The following MGAM variants were observed in gnomAD, a reference collection of about 807,000 sequenced individuals.
MGAM encodes alpha-1,4-glucosidase.
A neutral mutation model predicts 358.8 loss-of-function variants in MGAM; 253 were observed. The observed-to-expected ratio is 0.71, with a 90% confidence interval of 0.64 to 0.78. The LOEUF (loss-of-function observed/expected upper bound fraction) is 0.78, where lower values mean the gene tolerates loss of function less well. Among genes scored for constraint, MGAM ranks in the 30% least tolerant of loss-of-function variants. The pLI is 0.00. For synonymous variants in MGAM, 1,105 were observed against 1,227.1 expected (o/e 0.90, Z 2.08); for missense variants, 3,080 against 3,432.6 (o/e 0.90, Z 2.57).
At chr7:142,083,519 A>G in intron 53 of MGAM, 106 bp downstream of exon 53, 1 of 832,160 alleles carries the variant, frequency 1.2e-6, no homozygotes, top group East Asian at 2.8e-5. Flanking sequence ...AATTATTGGT[A>G]TTACTTGGAA....
rs1808374447 is a variant in MGAM, at chr7:142,040,175, A to C, written c.2373+4A>C. The C allele has an allele frequency of 6.2e-7, 1 of 1,608,900 alleles. No homozygotes were observed. The highest frequency in any genetic ancestry group is 1.7e-5 in the Admixed American group (1 of 59,770). ...TGTCTGGTATGACTACGAGACTGTA[A>C]GTAGCTTTGACTTTTCTTCTACTCC... is the stretch of plus-strand genomic sequence containing the variant. On this transcript the variant is annotated splice_donor_region_variant and intron_variant, in intron 20 of 70. Transcript: ENST00000475668.
At chr7:142,057,441 T>G (rs1811667417) in intron 30 of MGAM, among the ~76,000 whole-genome samples, 1 of 145,484 alleles carries the variant, frequency 6.9e-6, no homozygotes, top group Non-Finnish European at 1.5e-5. Context: ...GTTATGGTGG[T>G]GGTGGTAGTG....
rs750268952 is a variant in MGAM at position 142,085,791 on chromosome 7, G to A, written c.6508-42G>A. ...GCTTGTTCTCCTATAAAGCTTGGGC[G>A]TGTACAGCAGCAGCCTCTCAGCTCC... On this transcript the variant is annotated intron_variant, in intron 54 of 70. Transcript: ENST00000475668. 91 of 1,550,478 alleles carry A rather than the reference G, an allele frequency of 5.9e-5. 5 individuals carry two copies. The highest frequency in any genetic ancestry group is 3.8e-4 in the Admixed American group (22 of 57,320).
intron 20 of MGAM, 106 bp downstream of exon 20, chr7:142,040,277 G>T (rs2960753): frequency 0.37 from 324,456 of 879,158 alleles, 62,119 homozygotes; most frequent in Non-Finnish European, 0.4. Context: ...CTGAGGAGTA[G>T]TTTTTAGTGT....
intron 51 of MGAM, 35 bp downstream of exon 51, chr7:142,082,245 T>C: frequency 6.5e-7 from 1 of 1,538,908 alleles, no homozygotes; most frequent in Non-Finnish European, 8.9e-7. Context: ...GTGTCTCTGC[T>C]TCTCTCCACC....
At position 142,090,849 on chromosome 7, in the gene MGAM, A is replaced by G. The variant is rs1047835862; in HGVS notation, c.6811-1064A>G. On this transcript the variant is annotated intron_variant, in intron 57 of 70. Transcript: ENST00000475668. Reference sequence around the variant, plus strand: ...GAACCCACCATTAAACAGTGAGTATATATTTTGTGTCAAGTTCTAAGCTAA... The same window carrying G: ...GAACCCACCATTAAACAGTGAGTATGTATTTTGTGTCAAGTTCTAAGCTAA... Among the ~76,000 whole-genome samples the G allele has an allele frequency of 4.8e-5, 7 of 146,636 alleles. No homozygotes were observed. In the East Asian group the frequency reaches 6.0e-4, roughly 13 times the overall value.
intron 21 of MGAM, among the ~76,000 whole-genome samples, chr7:142,041,932 T>C (rs1365522244): frequency 0.52 from 29,723 of 57,656 alleles, 8,360 homozygotes; most frequent in Admixed American, 0.6. Context: ...ATATATAATA[T>C]ATATATTATA....
rs185922548 is a variant in MGAM, at chr7:142,072,621, A to G, written c.5187-1464A>G. ...AGTTCTTTGTTGCTGACTTTCCTTT[A>G]TGTTGACTTATTACCTTGTGTGCTT... On this transcript the variant is annotated intron_variant, in intron 44 of 70. Coordinates refer to ENST00000475668, the MANE Select transcript of MGAM (RefSeq NM_001365693.1). 9.6e-5 allele frequency among the ~76,000 whole-genome samples: 14 copies of G among 146,406 alleles called. 3 individuals carry two copies. The highest frequency in any genetic ancestry group is 9.3e-5 in the Non-Finnish European group (6 of 64,568).
chr7:142,008,841 G>C, intron 3 of MGAM, 136 bp downstream of exon 3: 1 of 907,388 alleles, frequency 1.1e-6, no homozygotes, highest in East Asian at 2.6e-5. Context: ...TAGTGGCTCA[G>C]GCAAATTAAC....
intron 43 of MGAM, among the ~76,000 whole-genome samples, chr7:142,070,542 C>G (rs1286274522): frequency 3.4e-5 from 5 of 146,018 alleles, no homozygotes; most frequent in Admixed American, 6.9e-5. Context: ...TCACAACAGG[C>G]TGGGGGTGAG....
At chr7:142,056,120 A>G in intron 29 of MGAM, 24 bp downstream of exon 29, 1 of 1,573,322 alleles carries the variant, frequency 6.4e-7, no homozygotes, top group East Asian at 2.3e-5. Context: ...CACCTCCCTT[A>G]TTTTGGGGGG....
At chr7:142,079,922 G>C (rs149212945) in intron 49 of MGAM, among the ~76,000 whole-genome samples, 1 of 146,504 alleles carries the variant, frequency 6.8e-6, no homozygotes, top group Non-Finnish European at 1.5e-5. Flanking sequence ...TGGGTTTGAA[G>C]TGAATGAACT....
chr7:142,023,678 CA>C (rs1291658038), intron 7 of MGAM, among the ~76,000 whole-genome samples: 3 of 149,360 alleles, frequency 2.0e-5, no homozygotes, highest in Non-Finnish European at 3.0e-5. Context: ...GACTCTGTCT[CA>C]AAAAAAAAGA....
intron 12 of MGAM, among the ~76,000 whole-genome samples, 151 bp downstream of exon 12, chr7:142,030,908 T>C (rs1343180714): frequency 6.6e-6 from 1 of 152,030 alleles, no homozygotes; most frequent in Non-Finnish European, 1.5e-5. Context: ...TCCTCTGCCC[T>C]TTCATGCCCA....
rs1808651648 is a variant in MGAM, at chr7:142,041,905, TTATATATATAC to T, written c.2498+1060_2498+1070del. ...ATACGTATAATATATAATATATATA[TTATATATATAC>T]GTATAATATATAATATATATATTAT... On this transcript the variant is annotated intron_variant, in intron 21 of 70. Transcript: ENST00000475668. 2.6e-4 allele frequency among the ~76,000 whole-genome samples: 7 copies of T among 26,724 alleles called. No individual in the cohort carries two copies. The East Asian group carries it at 5.3e-3, about 20-fold the overall frequency. 17.5% of individuals were successfully genotyped at this position (26,724 alleles called of 152,430 possible).
At chr7:142,096,294 G>C (rs754314567) in intron 64 of MGAM, 37 bp from the exon 65 acceptor site, 1 of 1,550,758 alleles carries the variant, frequency 6.4e-7, no homozygotes, top group Non-Finnish European at 8.9e-7. Flanking sequence ...CTGGGGCTCT[G>C]TTGGGCTCTG....
intron 8 of MGAM, among the ~76,000 whole-genome samples, chr7:142,025,541 C>T (rs2128999292): frequency 6.6e-6 from 1 of 152,218 alleles, no homozygotes; most frequent in Admixed American, 6.5e-5. Flanking sequence ...TCAGAATCTC[C>T]CAGGATTGAT....
intron 66 of MGAM, 146 bp downstream of exon 66, chr7:142,097,795 G>A (rs1408593941): frequency 1.7e-5 from 13 of 774,048 alleles, no homozygotes; most frequent in South Asian, 1.2e-4. Context: ...TTGTAACCTC[G>A]GTTTTCTCAC....
chr7:141,993,520 A>G (rs1490496312), upstream of MGAM, among the ~76,000 whole-genome samples: 1 of 152,236 alleles, frequency 6.6e-6, no homozygotes, highest in Non-Finnish European at 1.5e-5. Context: ...AGGTTCACAG[A>G]TAACTCTTGG....
Sources: gnomAD v4.1 joint callset for allele counts (sites outside exome capture counted in the v4.1 genomes callset) on GRCh38, gnomAD v4.1.1 for gene constraint, MANE v1.5 for transcripts, NCBI Gene and HGNC (gene_info 2026-07-23, HGNC 2026-07-21) for gene names.